The following MTUS1 variants were observed in gnomAD, a reference collection of about 807,000 sequenced individuals.
MTUS1 encodes microtubule associated scaffold protein 1, also known as microtubule-associated tumor suppressor 1.
Under a neutral mutation model 120.8 loss-of-function variants are expected in MTUS1, and 109 were observed. That is an observed-to-expected ratio of 0.90 (90% CI 0.77 to 1.06). The LOEUF (loss-of-function observed/expected upper bound fraction) is 1.06, where lower values mean the gene tolerates loss of function less well. Ranked by LOEUF, MTUS1 falls within the 50% of genes least tolerant of loss-of-function variation. The pLI, the probability that MTUS1 is intolerant of heterozygous loss-of-function variation, is 0.00. For synonymous variants in MTUS1, 737 were observed against 550.5 expected (o/e 1.34, Z -4.74); for missense variants, 2,210 against 1,486.3 (o/e 1.49, Z -8.01).
At chr8:17,798,687 T>C (rs1438614320) in intron 1 of MTUS1, among the ~76,000 whole-genome samples, 1 of 152,214 alleles carries the variant, frequency 6.6e-6, no homozygotes, top group African/African-American at 2.4e-5. Context: ...AAGCTACGAT[T>C]TAGAAGTGTT....
chr8:17,729,339 A>T (rs568297319), intron 3 of MTUS1, among the ~76,000 whole-genome samples: 1 of 152,368 alleles, frequency 6.6e-6, no homozygotes, highest in East Asian at 1.9e-4. Context: ...TCTCACCAAC[A>T]CTAAATATAC....
chr8:17,747,192 C>T (rs140000362), intron 2 of MTUS1, among the ~76,000 whole-genome samples: 227 of 152,150 alleles, frequency 1.5e-3, no homozygotes, highest in Non-Finnish European at 2.7e-3. Context: ...TCACCTTATT[C>T]CCTACTGCTC....
intron 3 of MTUS1, among the ~76,000 whole-genome samples, chr8:17,735,871 G>A (rs2046889953): frequency 6.6e-6 from 1 of 152,218 alleles, no homozygotes; most frequent in African/African-American, 2.4e-5. Flanking sequence ...GAAGGAGACA[G>A]ACATGTAAGG....
intron 8 of MTUS1, among the ~76,000 whole-genome samples, chr8:17,662,051 G>A (rs954821427): frequency 1.1e-4 from 17 of 152,192 alleles, no homozygotes; most frequent in Non-Finnish European, 2.9e-5. Flanking sequence ...ATAAACGTGT[G>A]TGTGTGGCGG....
At chr8:17,782,366 G>T (rs567640415) in intron 1 of MTUS1, among the ~76,000 whole-genome samples, 2 of 152,094 alleles carry the variant, frequency 1.3e-5, no homozygotes, top group African/African-American at 2.4e-5. Flanking sequence ...TTTCTAATTG[G>T]AAAAGGTCTA....
At chr8:17,780,711 C>T (rs2050812064) in intron 1 of MTUS1, among the ~76,000 whole-genome samples, 1 of 152,168 alleles carries the variant, frequency 6.6e-6, no homozygotes, top group Non-Finnish European at 1.5e-5. Context: ...AAATCATGAG[C>T]CTCTGCCTCC....
chr8:17,754,492 G>C lies in MTUS1; in HGVS notation c.1316C>G (p.Thr439Ser), dbSNP rs150198962. The change falls in exon 2 of 15, where the codon ACC becomes AGC. Residue 439 changes from threonine (T) to serine (S), a missense_variant. Transcript: ENST00000693296. ...STPVLEPTKV[T>S]FSVSPIEATE... is the part of the protein sequence containing the mutation. ...CGCTTCAATCGGTGAAACAGAAAAG[G>C]TTACTTTTGTGGGTTCTAGGACTGG... is the stretch of plus-strand genomic sequence containing the variant. 9.9e-6 allele frequency: 16 copies of C among 1,614,132 alleles called. No homozygotes were observed. The African/African-American group carries it at 1.6e-4, about 16-fold the overall frequency.
At chr8:17,758,512 T>A (rs922748991) in intron 1 of MTUS1, among the ~76,000 whole-genome samples, 11 of 152,382 alleles carry the variant, frequency 7.2e-5, no homozygotes, top group African/African-American at 2.6e-4. Flanking sequence ...AAAGCTTTTA[T>A]GAAACATAAA....
At chr8:17,709,081 G>A (rs1411069896) in intron 6 of MTUS1, 2 of 151,330 alleles carry the variant, frequency 1.3e-5, no homozygotes, top group African/African-American at 4.9e-5. Context: ...AGCTTGCAGT[G>A]AGCAGACATC....
rs199672128 is a variant in MTUS1 at position 17,754,972 on chromosome 8, G to A, written c.836C>T (p.Ser279Leu). 1.5e-4 allele frequency: 239 copies of A among 1,613,954 alleles called. No individual in the cohort carries two copies. The highest frequency in any genetic ancestry group is 2.0e-4 in the Non-Finnish European group (237 of 1,179,978). The change falls in exon 2 of 15, where the codon TCA becomes TTA. Residue 279 changes from serine (S) to leucine (L), a missense_variant. Coordinates refer to ENST00000693296, the MANE Select transcript of MTUS1 (RefSeq NM_001363059.2). ...CTTTTCTCCAACTAGTCTTTGTTGT[G>A]ATCCATCTGTGTACTCACTGGTGAC... ...GKVTSEYTDG[S>L]QQRLVGEKET... is the part of the protein sequence containing the mutation.
chr8:17,754,247 G>A lies in MTUS1; in HGVS notation c.1561C>T (p.Gln521Ter). The A allele has an allele frequency of 6.2e-7, 1 of 1,614,082 alleles. No homozygotes were observed. The highest frequency in any genetic ancestry group is 8.5e-7 in the Non-Finnish European group (1 of 1,180,030). The change falls in exon 2 of 15, where the codon CAG (glutamine) becomes TAG (stop). Residue 521 changes from glutamine (Q) to a stop codon, truncating the protein, a stop_gained. Coordinates refer to ENST00000693296, the MANE Select transcript of MTUS1 (RefSeq NM_001363059.2). LOFTEE classifies it high-confidence loss of function. ...KAKVMSRAVL[Q>*]PKDAALSKVT... ...TTTGATAAAGCAGCATCTTTGGGCT[G>A]CAACACTGCTCTAGACATAACTTTT...
rs577881600 is a variant in MTUS1, at chr8:17,654,170, C to G, written c.3214+391G>C. On this transcript the variant is annotated intron_variant, in intron 10 of 14. Transcript: ENST00000693296. Reference sequence around the variant, plus strand: ...ATGAAAAATAGAAAAGACTATTTTTCTATTCAATAAGTGGCATCGACATTT... The same window carrying G: ...ATGAAAAATAGAAAAGACTATTTTTGTATTCAATAAGTGGCATCGACATTT... 3 of 199,474 alleles carry G rather than the reference C, an allele frequency of 1.5e-5. No individual in the cohort carries two copies. In the South Asian group the frequency reaches 3.7e-4, roughly 25 times the overall value. 12.4% of individuals were successfully genotyped at this position (199,474 alleles called of 1,614,324 possible). A position where few individuals can be genotyped will look rare whatever the true frequency, so the allele number is the denominator to read the frequency against.
intron 3 of MTUS1, among the ~76,000 whole-genome samples, chr8:17,733,078 C>T (rs1443428660): frequency 1.3e-5 from 2 of 152,102 alleles, no homozygotes; most frequent in African/African-American, 2.4e-5. Flanking sequence ...ACGCTGGGCA[C>T]GGTGCCTCAC....
chr8:17,649,785 G>A, intron 13 of MTUS1, 61 bp downstream of exon 13: 2 of 891,060 alleles, frequency 2.2e-6, no homozygotes, highest in East Asian at 4.8e-5. Flanking sequence ...AAAATGCAGG[G>A]CTCAATTTCA....
At chr8:17,656,175 T>C (rs1256569700) in intron 8 of MTUS1, 110 bp from the exon 9 acceptor site, 8 of 925,568 alleles carry the variant, frequency 8.6e-6, no homozygotes, top group Admixed American at 6.1e-5. Context: ...ACACCCATGA[T>C]GTCTTGGGTC....
intron 2 of MTUS1, among the ~76,000 whole-genome samples, chr8:17,753,011 C>G (rs1339565802): frequency 6.6e-6 from 1 of 152,180 alleles, no homozygotes; most frequent in Non-Finnish European, 1.5e-5. Context: ...TTAAACAGCA[C>G]TCTCTAGGTC....
intron 6 of MTUS1, among the ~76,000 whole-genome samples, chr8:17,709,594 C>T (rs555690947): frequency 1.3e-5 from 2 of 152,184 alleles, no homozygotes; most frequent in African/African-American, 4.8e-5. Flanking sequence ...TATATCACCC[C>T]ATAAGACACA....
At chr8:17,785,314 A>G (rs2051214127) in intron 1 of MTUS1, among the ~76,000 whole-genome samples, 1 of 152,210 alleles carries the variant, frequency 6.6e-6, no homozygotes. Flanking sequence ...AATAGGCTCC[A>G]CTGTTACAGA....
intron 12 of MTUS1, among the ~76,000 whole-genome samples, chr8:17,652,526 A>G (rs1807236604): frequency 6.6e-6 from 1 of 151,972 alleles, no homozygotes; most frequent in African/African-American, 2.4e-5. Flanking sequence ...TAATGGGTCC[A>G]GGGTTCCTTT....
Sources: gnomAD v4.1 joint callset for allele counts (sites outside exome capture counted in the v4.1 genomes callset) on GRCh38, gnomAD v4.1.1 for gene constraint, MANE v1.5 for transcripts, NCBI Gene and HGNC (gene_info 2026-07-23, HGNC 2026-07-21) for gene names.